Variants in LDLRAD3 observed in about 807,000 individuals in gnomAD.
LDLRAD3 encodes the protein low-density lipoprotein receptor class A domain-containing protein 3.
A neutral mutation model predicts 29.4 loss-of-function variants in LDLRAD3; 20 were observed. That is an observed-to-expected ratio of 0.68 (90% CI 0.48 to 0.99). The LOEUF is 0.99. Ranked by LOEUF, LDLRAD3 falls within the 50% of genes least tolerant of loss-of-function variation. The pLI, the probability that LDLRAD3 is intolerant of heterozygous loss-of-function variation, is 0.00. For missense variants in LDLRAD3, 420 were observed against 454.3 expected (o/e 0.92, Z 0.69); for synonymous variants, 157 against 192.7 (o/e 0.81, Z 1.53).
At chr11:36,174,425 G>A (rs1309081118) in intron 4 of LDLRAD3, among the ~76,000 whole-genome samples, 1 of 152,136 alleles carries the variant, frequency 6.6e-6, no homozygotes, top group African/African-American at 2.4e-5. Flanking sequence ...GAGTGAACAA[G>A]CAACCTACAG....
chr11:36,104,615 C>G (rs1853499681), intron 4 of LDLRAD3, among the ~76,000 whole-genome samples: 2 of 152,098 alleles, frequency 1.3e-5, no homozygotes, highest in South Asian at 4.2e-4. Flanking sequence ...ATGTCAGGCA[C>G]CATTCTGAGC....
At chr11:36,051,952 AC>A (rs993450713) in intron 2 of LDLRAD3, among the ~76,000 whole-genome samples, 1 of 152,044 alleles carries the variant, frequency 6.6e-6, no homozygotes, top group Non-Finnish European at 1.5e-5. Flanking sequence ...TTTGGGGATG[AC>A]TGAAAAGCTG....
chr11:36,064,931 G>T (rs1258028625), intron 2 of LDLRAD3, among the ~76,000 whole-genome samples: 1 of 152,062 alleles, frequency 6.6e-6, no homozygotes, highest in Non-Finnish European at 1.5e-5. Context: ...TTTGTTTTAT[G>T]TCCTAACATT....
chr11:36,037,606 C>T (rs1293893395), intron 2 of LDLRAD3, among the ~76,000 whole-genome samples: 2 of 152,190 alleles, frequency 1.3e-5, no homozygotes, highest in Admixed American at 6.5e-5. Flanking sequence ...AGCCACTGTG[C>T]CCAGTCAGTC....
chr11:36,131,674 A>G (rs980618350), intron 4 of LDLRAD3, among the ~76,000 whole-genome samples: 7 of 152,202 alleles, frequency 4.6e-5, no homozygotes, highest in South Asian at 4.1e-4. Context: ...TAAGTACTGA[A>G]TTATTGTGAT....
rs34637837 is a variant in LDLRAD3 at position 36,165,344 on chromosome 11, C to CT, written c.455-61730dup. Among the ~76,000 whole-genome samples the CT allele has an allele frequency of 3.7e-3, 535 of 143,838 alleles. 1 individual carries two copies. Among genetic ancestry groups the CT allele is most frequent in the Middle Eastern group, 0.014 (4 of 276 alleles). The allele number at this position is 143,838 out of a possible 152,430, so 94.4% of individuals were successfully genotyped here. ...AGACGAAGTTGTGATGGCTTTAAACCTTTTTTTTTTTGCTTTCGTCTTTTG... is the reference window on the plus strand; with the variant it reads ...AGACGAAGTTGTGATGGCTTTAAACCTTTTTTTTTTTTGCTTTCGTCTTTTG... On this transcript the variant is annotated intron_variant, in intron 4 of 5. Coordinates refer to ENST00000315571, the MANE Select transcript of LDLRAD3 (RefSeq NM_174902.4).
chr11:35,953,110 C>T (rs4756262), intron 1 of LDLRAD3, among the ~76,000 whole-genome samples: 49,274 of 152,042 alleles, frequency 0.32, 8,211 homozygotes, highest in East Asian at 0.58. Context: ...ACCTGAGAAC[C>T]GGACTCTCCT....
intron 4 of LDLRAD3, among the ~76,000 whole-genome samples, chr11:36,201,188 A>C (rs529123752): frequency 2.0e-5 from 3 of 152,300 alleles, no homozygotes; most frequent in Admixed American, 6.5e-5. Context: ...GTAATTTCTG[A>C]AGGACAACAT....
chr11:36,205,513 G>A (rs1855194358), intron 4 of LDLRAD3, among the ~76,000 whole-genome samples: 1 of 152,154 alleles, frequency 6.6e-6, no homozygotes, highest in African/African-American at 2.4e-5. Flanking sequence ...AAGGTGTGAA[G>A]TTGAGGGATG....
At chr11:36,164,498 A>G (rs555876100) in intron 4 of LDLRAD3, among the ~76,000 whole-genome samples, 1 of 152,222 alleles carries the variant, frequency 6.6e-6, no homozygotes, top group Non-Finnish European at 1.5e-5. Context: ...GGTAGCTTTT[A>G]AGTGTACAAA....
At chr11:36,076,214 G>GTCCATCTGTCCA (rs1554962917) in intron 2 of LDLRAD3, among the ~76,000 whole-genome samples, 40 of 107,532 alleles carry the variant, frequency 3.7e-4, no homozygotes, top group African/African-American at 1.4e-3. Flanking sequence ...TTGTCTGTCT[G>GTCCATCTGTCCA]TCCATCCGTC....
intron 2 of LDLRAD3, among the ~76,000 whole-genome samples, chr11:36,067,820 G>A (rs1221548989): frequency 6.6e-6 from 1 of 152,142 alleles, no homozygotes; most frequent in East Asian, 1.9e-4. Flanking sequence ...ACAGGCGTGT[G>A]CCTGGCTAAA....
At chr11:36,169,096 G>A (rs1017456880) in intron 4 of LDLRAD3, among the ~76,000 whole-genome samples, 1 of 152,142 alleles carries the variant, frequency 6.6e-6, no homozygotes, top group Non-Finnish European at 1.5e-5. Flanking sequence ...CAGTTGTGGA[G>A]CATTAGCTGG....
chr11:35,957,435 C>A (rs963500948), intron 1 of LDLRAD3, among the ~76,000 whole-genome samples: 1 of 152,184 alleles, frequency 6.6e-6, no homozygotes. Context: ...ATTACCTGGC[C>A]CCTCTGCTTT....
intron 1 of LDLRAD3, among the ~76,000 whole-genome samples, chr11:36,033,838 A>G (rs1490661066): frequency 6.6e-6 from 1 of 152,078 alleles, no homozygotes; most frequent in East Asian, 1.9e-4. Flanking sequence ...TCCGGTCTTG[A>G]GAGGGAGTCT....
intron 1 of LDLRAD3, among the ~76,000 whole-genome samples, chr11:35,958,773 C>G (rs1851238631): frequency 6.6e-6 from 1 of 152,164 alleles, no homozygotes; most frequent in African/African-American, 2.4e-5. Context: ...AGCCACTCTT[C>G]CTCTCCCTCA....
chr11:36,096,165 C>T (rs1268060824), intron 3 of LDLRAD3, among the ~76,000 whole-genome samples: 1 of 152,228 alleles, frequency 6.6e-6, no homozygotes, highest in Admixed American at 6.5e-5. Context: ...CCCCACCTCT[C>T]TGACCTTTCA....
intron 1 of LDLRAD3, among the ~76,000 whole-genome samples, chr11:35,996,696 G>T (rs1851759749): frequency 1.3e-5 from 2 of 152,146 alleles, no homozygotes; most frequent in South Asian, 4.1e-4. Flanking sequence ...ATCAATAATT[G>T]ATGTTCTCAC....
At chr11:36,226,640 A>G (rs929251771) in intron 4 of LDLRAD3, among the ~76,000 whole-genome samples, 1 of 152,204 alleles carries the variant, frequency 6.6e-6, no homozygotes, top group Non-Finnish European at 1.5e-5. Context: ...CAGTTTCGGG[A>G]CATTCCCGTC....
Sources: allele counts gnomAD v4.1 joint callset (sites outside exome capture counted in the v4.1 genomes callset), GRCh38; gene constraint gnomAD v4.1.1; transcripts MANE v1.5; gene names NCBI Gene and HGNC (gene_info 2026-07-23, HGNC 2026-07-21).